Variants in HIVEP1 observed in about 807,000 individuals in gnomAD.
HIVEP1 encodes the protein zinc finger protein 40.
Under a neutral mutation model 180.0 loss-of-function variants are expected in HIVEP1, and 36 were observed. The observed-to-expected ratio is 0.20, with a 90% CI of 0.15 to 0.26. The LOEUF is 0.26. HIVEP1 is among the 10% of genes least tolerant of loss of function. The pLI, the probability that HIVEP1 is intolerant of heterozygous loss-of-function variation, is 1.00. For synonymous variants in HIVEP1, 1,239 were observed against 1,239.0 expected (o/e 1.00, Z 0.00); for missense variants, 3,143 against 3,268.7 (o/e 0.96, Z 0.94).
chr6:12,011,573 T>C (rs903843406), upstream of HIVEP1, among the ~76,000 whole-genome samples: 27 of 66,306 alleles, frequency 4.1e-4, no homozygotes, highest in South Asian at 1.3e-3. Flanking sequence ...ACCCCGCCCC[T>C]CCCCCCCGGG....
intron 7 of HIVEP1, among the ~76,000 whole-genome samples, chr6:12,142,647 TAAA>T (rs562653871): frequency 0.01 from 1,578 of 151,852 alleles, 23 homozygotes; most frequent in African/African-American, 0.036. Flanking sequence ...GCAAGACTAA[TAAA>T]GAAGAAAAGA....
At chr6:12,111,783 C>T (rs946450314) in intron 3 of HIVEP1, among the ~76,000 whole-genome samples, 8 of 152,300 alleles carry the variant, frequency 5.3e-5, no homozygotes, top group Middle Eastern at 3.4e-3. Flanking sequence ...CTGCAGTAAC[C>T]GAGGATAATC....
At chr6:12,110,316 A>G (rs1774803741) in intron 3 of HIVEP1, among the ~76,000 whole-genome samples, 1 of 152,250 alleles carries the variant, frequency 6.6e-6, no homozygotes, top group South Asian at 2.1e-4. Flanking sequence ...GAAGCCAGGC[A>G]TTGACTTCTC....
intron 3 of HIVEP1, among the ~76,000 whole-genome samples, chr6:12,115,671 C>T (rs1473066060): frequency 2.6e-5 from 4 of 152,218 alleles, no homozygotes; most frequent in African/African-American, 9.6e-5. Flanking sequence ...TTTCTCTTCC[C>T]TTCCCAATCT....
rs1160808965 is a variant in HIVEP1 at position 12,099,236 on chromosome 6, C to T, written c.94+9999C>T. 2.7e-5 allele frequency among the ~76,000 whole-genome samples: 4 copies of T among 148,698 alleles called. No individual in the cohort carries two copies. In the Admixed American group the frequency reaches 2.7e-4, roughly 10 times the overall value. On this transcript the variant is annotated intron_variant, in intron 3 of 8. Coordinates refer to ENST00000379388, the MANE Select transcript of HIVEP1 (RefSeq NM_002114.4). ...TCGCTCTGTCGCCCAGGCTGGAGTGCAGTGGCGGGATCTCGGCTCACTGCG... is the reference window on the plus strand; with the variant it reads ...TCGCTCTGTCGCCCAGGCTGGAGTGTAGTGGCGGGATCTCGGCTCACTGCG...
chr6:12,060,987 C>T (rs1007313388), intron 2 of HIVEP1, among the ~76,000 whole-genome samples: 4 of 152,010 alleles, frequency 2.6e-5, no homozygotes, highest in Admixed American at 6.6e-5. Context: ...GGGAGGACTT[C>T]CAGGAGGCAG....
At chr6:12,069,409 C>G (rs1771815007) in intron 2 of HIVEP1, among the ~76,000 whole-genome samples, 1 of 151,948 alleles carries the variant, frequency 6.6e-6, no homozygotes, top group South Asian at 2.1e-4. Flanking sequence ...AGGCCTAGGA[C>G]ATTACTGCAC....
chr6:12,062,926 A>T (rs1166383498), intron 2 of HIVEP1, among the ~76,000 whole-genome samples: 2 of 152,130 alleles, frequency 1.3e-5, no homozygotes, highest in African/African-American at 4.8e-5. Flanking sequence ...TAGCTGAGTG[A>T]CCGAAGTTAC....
At chr6:12,071,337 AGCCCTCTGTGCCTTGT>A (rs1771956406) in intron 2 of HIVEP1, among the ~76,000 whole-genome samples, 1 of 152,188 alleles carries the variant, frequency 6.6e-6, no homozygotes, top group African/African-American at 2.4e-5. Flanking sequence ...CCCCAGCCAG[AGCCCTCTGTGCCTTGT>A]GAGAGACTCT....
At position 12,124,326 on chromosome 6, in the gene HIVEP1, G is replaced by A. The variant is rs775600622; in HGVS notation, c.4531G>A (p.Asp1511Asn). ...CGTTTTTCCTGTTCAACAGCTCTGT[G>A]ATATCAATTTGTTAAATCAAATCCA... ...TNVFPVQQLC[D>N]INLLNQIHAP... is the part of the protein sequence containing the mutation. The change falls in exon 4 of 9, where the codon GAT becomes AAT. Residue 1511 changes from aspartate (D) to asparagine (N), a missense_variant. Physicochemically the swap from Asp to Asn is conservative, Grantham distance 23. Around this residue, in one of 12 missense-constraint regions of HIVEP1, gnomAD observed 1,357 missense variants for 1,260.5 expected, o/e 1.08. Transcript: ENST00000379388. 1.9e-6 allele frequency: 3 copies of A among 1,613,826 alleles called. No homozygotes were observed. In the South Asian group the frequency reaches 3.3e-5, roughly 18 times the overall value.
chr6:12,119,858 C>T lies in HIVEP1; in HGVS notation c.95-32C>T, dbSNP rs1378162363. 3 of 1,380,018 alleles carry T rather than the reference C, an allele frequency of 2.2e-6. No homozygotes were observed. In the East Asian group the frequency reaches 6.9e-5, roughly 32 times the overall value. The allele number at this position is 1,380,018 out of a possible 1,614,324, so 85.5% of individuals were successfully genotyped here. A position where few individuals can be genotyped will look rare whatever the true frequency, so the allele number is the denominator to read the frequency against. On this transcript the variant is annotated intron_variant, in intron 3 of 8. Coordinates refer to ENST00000379388, the MANE Select transcript of HIVEP1 (RefSeq NM_002114.4). ...ATAGTTGGTGTATGTACAATGTTAC[C>T]AATTGTTTGTTGTTGTTGTTGTTTT... is the stretch of plus-strand genomic sequence containing the variant.
At chr6:12,028,619 A>G (rs1310133832) in intron 2 of HIVEP1, among the ~76,000 whole-genome samples, 2 of 152,198 alleles carry the variant, frequency 1.3e-5, no homozygotes, top group African/African-American at 2.4e-5. Flanking sequence ...TTTGATGGAT[A>G]TGCTCCTTCA....
In HIVEP1 at chr6:12,120,370, C is replaced by A. The variant is rs747543957; in HGVS notation, c.575C>A (p.Thr192Lys). ...TGTGGCACTACGTCCCCCTCCTATACAAACACTGCATTCGATGTCTTACTG... is the reference window on the plus strand; with the variant it reads ...TGTGGCACTACGTCCCCCTCCTATAAAAACACTGCATTCGATGTCTTACTG... ...SHCGTTSPSY[T>K]NTAFDVLLKA... is the part of the protein sequence containing the mutation. Residue 192 changes from threonine (T) to lysine (K), a missense_variant, in exon 4 of 9, where the codon ACA becomes AAA. Thr to Lys is a moderately conservative substitution (Grantham distance 78). Around this residue, in one of 12 missense-constraint regions of HIVEP1, gnomAD observed 306 missense variants for 310.6 expected, o/e 0.99. Transcript: ENST00000379388. 3.1e-6 allele frequency: 5 copies of A among 1,614,186 alleles called. No homozygotes were observed. Among genetic ancestry groups the A allele is most frequent in the Middle Eastern group, 1.6e-4 (1 of 6,062 alleles).
At chr6:12,196,751 T>C in the HIVEP1 span, among the ~76,000 whole-genome samples, 1 of 152,172 alleles carries the variant, frequency 6.6e-6, no homozygotes, top group Non-Finnish European at 1.5e-5. Flanking sequence ...CATGTTAGAA[T>C]CCTCTTCCTA....
intron 2 of HIVEP1, among the ~76,000 whole-genome samples, chr6:12,044,912 C>T (rs767083536): frequency 2.6e-5 from 4 of 152,266 alleles, no homozygotes; most frequent in Non-Finnish European, 5.9e-5. Flanking sequence ...ACTGGACCCA[C>T]ATCCCTCCTG....
chr6:12,070,951 C>G (rs760780268), intron 2 of HIVEP1, among the ~76,000 whole-genome samples: 3 of 152,080 alleles, frequency 2.0e-5, no homozygotes, highest in African/African-American at 7.2e-5. Flanking sequence ...CTCTAGTGAC[C>G]AAACATGATA....
At chr6:12,013,035 G>C (rs2113551986) in intron 1 of HIVEP1, among the ~76,000 whole-genome samples, 1 of 152,196 alleles carries the variant, frequency 6.6e-6, no homozygotes, top group East Asian at 1.9e-4. Context: ...GTCGGCTCGG[G>C]CTCGCCTTGG....
At position 12,136,065 on chromosome 6, in the gene HIVEP1, T is replaced by C. The variant is rs56227302; in HGVS notation, c.6487+173T>C. Reference sequence around the variant, plus strand: ...ATGTCTAGATTGTCCTCCTTCCTCCTTCCTATTCATCTATCCCCCACGATG... The same window carrying C: ...ATGTCTAGATTGTCCTCCTTCCTCCCTCCTATTCATCTATCCCCCACGATG... On this transcript the variant is annotated intron_variant, in intron 7 of 8. Coordinates refer to ENST00000379388, the MANE Select transcript of HIVEP1 (RefSeq NM_002114.4). Among the ~76,000 whole-genome samples, 363 of 152,314 alleles carry C rather than the reference T, an allele frequency of 2.4e-3. 1 individual carries two copies. The highest frequency in any genetic ancestry group is 2.3e-3 in the South Asian group (11 of 4,824).
chr6:12,130,548 AAAAC>A (rs1283325278), intron 5 of HIVEP1, among the ~76,000 whole-genome samples: 1 of 152,096 alleles, frequency 6.6e-6, no homozygotes, highest in African/African-American at 2.4e-5. Flanking sequence ...AAAAAAAAAC[AAAAC>A]AAAATATAAT....
Sources: gnomAD v4.1 joint callset for allele counts (sites outside exome capture counted in the v4.1 genomes callset) on GRCh38, gnomAD v4.1.1 for gene constraint, gnomAD v4.1.1 regional missense constraint, MANE v1.5 for transcripts, NCBI Gene and HGNC (gene_info 2026-07-23, HGNC 2026-07-21) for gene names.